The following AGBL1 variants were observed in gnomAD, a reference collection of about 807,000 sequenced individuals.
AGBL1 encodes the protein cytosolic carboxypeptidase 4.
Under a neutral mutation model 118.9 loss-of-function variants are expected in AGBL1, and 130 were observed. The observed-to-expected ratio is 1.09, with a 90% CI of 0.95 to 1.26. AGBL1 has a LOEUF of 1.26. AGBL1 is among the 50% of genes most tolerant of loss of function. AGBL1 has a pLI of 0.00. For synonymous variants in AGBL1, 555 were observed against 478.9 expected, an observed-to-expected ratio of 1.16 and a Z score of -2.08; for missense variants, 1,584 against 1,298.1, an observed-to-expected ratio of 1.22 and a Z score of -3.38.
At chr15:86,309,737 A>G (rs539617322) in intron 17 of AGBL1, among the ~76,000 whole-genome samples, 117 of 152,278 alleles carry the variant, frequency 7.7e-4, no homozygotes, top group African/African-American at 2.8e-3. Flanking sequence ...GTTTTGTAAC[A>G]CATTTGTACA....
At chr15:87,003,800 A>G (rs956830593) in intron 24 of AGBL1, among the ~76,000 whole-genome samples, 3 of 152,108 alleles carry the variant, frequency 2.0e-5, no homozygotes, top group Non-Finnish European at 4.4e-5. Context: ...GGTAGTTTGT[A>G]TTTCTGTGGG....
At chr15:86,643,012 A>C (rs753473386) in intron 21 of AGBL1, among the ~76,000 whole-genome samples, 2 of 152,182 alleles carry the variant, frequency 1.3e-5, no homozygotes, top group East Asian at 3.9e-4. Flanking sequence ...ATATGACATC[A>C]ATGACTTGGT....
At chr15:86,302,961 A>T (rs147299692) in intron 17 of AGBL1, among the ~76,000 whole-genome samples, 12 of 152,248 alleles carry the variant, frequency 7.9e-5, no homozygotes, top group African/African-American at 2.9e-4. Context: ...GGATGTTATT[A>T]AAAGCAGAGA....
intron 22 of AGBL1, among the ~76,000 whole-genome samples, chr15:86,813,481 A>G (rs1180010398): frequency 6.6e-6 from 1 of 152,120 alleles, no homozygotes; most frequent in African/African-American, 2.4e-5. Flanking sequence ...TGATTTCTGG[A>G]GCATTCTTTT....
chr15:86,821,674 A>T (rs1468418470), intron 22 of AGBL1, among the ~76,000 whole-genome samples: 1 of 152,212 alleles, frequency 6.6e-6, no homozygotes, highest in Non-Finnish European at 1.5e-5. Flanking sequence ...TCATCAGCAT[A>T]AATGATAATA....
chr15:86,378,158 A>G (rs190428318), intron 17 of AGBL1, among the ~76,000 whole-genome samples: 1 of 152,314 alleles, frequency 6.6e-6, no homozygotes, highest in East Asian at 1.9e-4. Flanking sequence ...TAATACAGCA[A>G]AGAAAGAGTG....
At chr15:86,985,040 G>C (rs1055952724) in intron 23 of AGBL1, among the ~76,000 whole-genome samples, 1 of 152,178 alleles carries the variant, frequency 6.6e-6, no homozygotes, top group South Asian at 2.1e-4. Flanking sequence ...CATTCATGGA[G>C]ATCCATCTAT....
rs543677256 is a variant in AGBL1 at position 87,022,391 on chromosome 15, A to G, written c.3324-6434A>G. ...TCAGAGACGTCTTTGAATTAACCCA[A>G]TCCAACGAAGACAAAGAAAAAAGAG... On this transcript the variant is annotated intron_variant, in intron 24 of 24. Coordinates refer to the AGBL1 transcript ENST00000441037. Among the ~76,000 whole-genome samples the G allele has an allele frequency of 5.9e-5, 9 of 152,232 alleles. No homozygotes were observed. The South Asian group carries it at 1.9e-3, about 32-fold the overall frequency.
chr15:86,297,500 A>G (rs1179059350), intron 17 of AGBL1, among the ~76,000 whole-genome samples: 1 of 152,054 alleles, frequency 6.6e-6, no homozygotes. Flanking sequence ...TTGCCTTTTC[A>G]TTTTTCTCTG....
At chr15:86,548,667 A>ACG (rs2083621482) in intron 20 of AGBL1, among the ~76,000 whole-genome samples, 1 of 57,956 alleles carries the variant, frequency 1.7e-5, no homozygotes, top group African/African-American at 5.3e-5. Context: ...ATGCACGCAC[A>ACG]CACACACACA....
chr15:86,236,936 G>A (rs28512459), intron 6 of AGBL1, among the ~76,000 whole-genome samples: 28,738 of 74,716 alleles, frequency 0.38, 6,933 homozygotes, highest in South Asian at 0.54. Context: ...TGTGGGCGGG[G>A]GGGGGCGGGG....
chr15:86,575,731 A>G (rs1305021361), intron 21 of AGBL1, among the ~76,000 whole-genome samples: 3 of 151,920 alleles, frequency 2.0e-5, no homozygotes, highest in Admixed American at 6.6e-5. Flanking sequence ...CTGGGCCTAC[A>G]GGTACACACC....
chr15:86,630,676 TTC>T (rs1434441696), intron 21 of AGBL1: 1 of 152,260 alleles, frequency 6.6e-6, no homozygotes, highest in East Asian at 1.9e-4. Flanking sequence ...CAATTTAACC[TTC>T]TGTCTTCTGT....
chr15:86,696,911 G>T (rs563219116), intron 22 of AGBL1, among the ~76,000 whole-genome samples: 1 of 152,048 alleles, frequency 6.6e-6, no homozygotes, highest in South Asian at 2.1e-4. Context: ...TGTTTAAGGA[G>T]GCTGAAGATA....
chr15:87,015,560 G>A (rs952195014), intron 24 of AGBL1, among the ~76,000 whole-genome samples: 8 of 152,138 alleles, frequency 5.3e-5, no homozygotes, highest in Admixed American at 2.0e-4. Context: ...AGTGCCTTCT[G>A]TGCTAGGAGT....
intron 21 of AGBL1, among the ~76,000 whole-genome samples, chr15:86,642,112 A>G (rs1250634476): frequency 1.3e-5 from 2 of 152,206 alleles, no homozygotes; most frequent in East Asian, 3.9e-4. Flanking sequence ...AAAGCAAATC[A>G]CACAAGCTCA....
intron 21 of AGBL1, 135 bp from the exon 22 acceptor site, chr15:86,674,138 A>G (rs1161018068): frequency 2.3e-6 from 2 of 867,892 alleles, no homozygotes; most frequent in East Asian, 2.7e-5. Flanking sequence ...TGTAATGGAC[A>G]GTGACTGACA....
At chr15:86,353,317 C>T (rs1023282680) in intron 17 of AGBL1, among the ~76,000 whole-genome samples, 3 of 152,174 alleles carry the variant, frequency 2.0e-5, no homozygotes, top group Admixed American at 6.5e-5. Flanking sequence ...TCAAGATAGT[C>T]TTGCAGCTTC....
intron 3 of AGBL1, among the ~76,000 whole-genome samples, chr15:86,150,270 C>T (rs1022270241): frequency 6.6e-6 from 1 of 152,110 alleles, no homozygotes; most frequent in Non-Finnish European, 1.5e-5. Flanking sequence ...CAAGAAATAA[C>T]TAAGATCAGA....
Sources: allele counts gnomAD v4.1 joint callset (sites outside exome capture counted in the v4.1 genomes callset), GRCh38; gene constraint gnomAD v4.1.1; transcripts MANE v1.5; gene names NCBI Gene and HGNC (gene_info 2026-07-23, HGNC 2026-07-21).